SMOC2: variants seen among roughly 807,000 people sequenced by gnomAD.
SMOC2 encodes the protein SPARC related modular calcium binding 2, also known as SPARC-related modular calcium-binding protein 2.
A neutral mutation model predicts 61.4 loss-of-function variants in SMOC2; 39 were observed. That is an observed-to-expected ratio of 0.64 (90% CI 0.49 to 0.83). The LOEUF is 0.83. Ranked by LOEUF, SMOC2 falls within the 40% of genes least tolerant of loss-of-function variation. SMOC2 has a pLI of 0.00. For synonymous variants in SMOC2, 247 were observed against 239.9 expected (o/e 1.03, Z -0.27); for missense variants, 556 against 592.9 (o/e 0.94, Z 0.65).
intron 1 of SMOC2, among the ~76,000 whole-genome samples, chr6:168,465,055 A>G (rs1028390767): frequency 6.6e-6 from 1 of 152,194 alleles, no homozygotes; most frequent in African/African-American, 2.4e-5. Flanking sequence ...CCCCACACAG[A>G]CCTTCTTGGC....
At chr6:168,503,512 T>TC (rs774005799) in intron 1 of SMOC2, among the ~76,000 whole-genome samples, 61 of 152,104 alleles carry the variant, frequency 4.0e-4, no homozygotes, top group Admixed American at 1.3e-3. Flanking sequence ...GCAAATGCCC[T>TC]CCCCGCATGG....
At chr6:168,556,320 C>T (rs1393443362) in intron 7 of SMOC2, among the ~76,000 whole-genome samples, 2 of 152,190 alleles carry the variant, frequency 1.3e-5, no homozygotes, top group East Asian at 3.9e-4. Context: ...TTGTTGCCCA[C>T]ATGGGGTGCG....
intron 1 of SMOC2, among the ~76,000 whole-genome samples, chr6:168,502,636 A>T (rs1782757872): frequency 6.6e-6 from 1 of 152,192 alleles, no homozygotes; most frequent in Non-Finnish European, 1.5e-5. Flanking sequence ...TAACTCACTG[A>T]GTTATTTCAC....
At chr6:168,530,815 A>G (rs714937) in intron 4 of SMOC2, among the ~76,000 whole-genome samples, 103,017 of 151,932 alleles carry the variant, frequency 0.68, 37,067 homozygotes, top group Non-Finnish European at 0.8. Context: ...TTCCGGGAGG[A>G]AACCCAGGAG....
At chr6:168,591,144 T>C (rs535789045) in intron 7 of SMOC2, among the ~76,000 whole-genome samples, 23 of 152,314 alleles carry the variant, frequency 1.5e-4, no homozygotes, top group African/African-American at 5.5e-4. Flanking sequence ...TAAATTGGAA[T>C]GGGAATCACA....
intron 9 of SMOC2, among the ~76,000 whole-genome samples, chr6:168,621,969 CT>C (rs34107549): frequency 0.15 from 22,866 of 148,284 alleles, 2,096 homozygotes; most frequent in Middle Eastern, 0.3. Context: ...GATTAATCTT[CT>C]TTTTTTTTTT....
intron 8 of SMOC2, among the ~76,000 whole-genome samples, chr6:168,600,445 A>ACC (rs1562374034): frequency 2.1e-5 from 3 of 144,620 alleles, no homozygotes; most frequent in African/African-American, 7.7e-5. Flanking sequence ...AAAAAAAAAA[A>ACC]CAGTAGTTTC....
At chr6:168,560,412 A>G (rs139998551) in intron 7 of SMOC2, among the ~76,000 whole-genome samples, 1,586 of 152,388 alleles carry the variant, frequency 0.01, 30 homozygotes, top group African/African-American at 0.036. Context: ...GGTTACTGAC[A>G]AACAGTCTTC....
chr6:168,482,092 G>A (rs938874254), intron 1 of SMOC2, among the ~76,000 whole-genome samples: 9 of 151,510 alleles, frequency 5.9e-5, no homozygotes, highest in African/African-American at 2.2e-4. Context: ...GAAAATTAGT[G>A]AAACAAAAAA....
rs982524397 is a variant in SMOC2, at chr6:168,621,111, C to T, written c.907+12872C>T. On this transcript the variant is annotated intron_variant, in intron 9 of 12. Transcript: ENST00000356284. ...ACTTGTCAAATTAAGGACAATCTTT[C>T]AGAAACGTCAGAGGTTTCCCTCTGA... Among the ~76,000 whole-genome samples the T allele has an allele frequency of 2.0e-5, 3 of 149,778 alleles. No individual in the cohort carries two copies. The East Asian group carries it at 5.8e-4, about 29-fold the overall frequency.
In SMOC2 at chr6:168,598,944, C is replaced by G; in HGVS notation, c.764C>G (p.Thr255Arg). 6.2e-7 allele frequency: 1 copy of G among 1,613,528 alleles called. No homozygotes were observed. Among genetic ancestry groups the G allele is most frequent in the Non-Finnish European group, 8.5e-7 (1 of 1,179,658 alleles). Reference sequence around the variant, plus strand: ...AAGCCAGTGCAGTGCCACCCCTCCACGGGGTACTGCTGGTGCGTCCTGGTG... The same window carrying G: ...AAGCCAGTGCAGTGCCACCCCTCCAGGGGGTACTGCTGGTGCGTCCTGGTG... ...LYKPVQCHPS[T>R]GYCWCVLVDT... Residue 255 changes from threonine (T) to arginine (R), a missense_variant, in exon 8 of 13, where the codon ACG (threonine) becomes AGG (arginine). Transcript: ENST00000356284.
chr6:168,545,592 A>G (rs1187044976), intron 5 of SMOC2, among the ~76,000 whole-genome samples: 1 of 152,232 alleles, frequency 6.6e-6, no homozygotes, highest in East Asian at 1.9e-4. Context: ...TGGACAGGGC[A>G]GGAAGGAGAG....
At chr6:168,487,874 T>A (rs1782372380) in intron 1 of SMOC2, among the ~76,000 whole-genome samples, 1 of 151,906 alleles carries the variant, frequency 6.6e-6, no homozygotes, top group Admixed American at 6.6e-5. Flanking sequence ...CTTTTAAGTA[T>A]TTTTTTTGGC....
chr6:168,566,439 AGAC>A (rs949361666), intron 7 of SMOC2, among the ~76,000 whole-genome samples: 2 of 151,074 alleles, frequency 1.3e-5, no homozygotes, highest in Non-Finnish European at 2.9e-5. Context: ...AAAAAGCCTC[AGAC>A]GAATTTTCAG....
intron 1 of SMOC2, among the ~76,000 whole-genome samples, chr6:168,455,465 C>T (rs572396237): frequency 6.6e-6 from 1 of 152,280 alleles, no homozygotes; most frequent in African/African-American, 2.4e-5. Flanking sequence ...GTGGGCGGCC[C>T]TCAAGTCCCG....
At chr6:168,663,737 T>C (rs536940254) in intron 11 of SMOC2, among the ~76,000 whole-genome samples, 4 of 152,314 alleles carry the variant, frequency 2.6e-5, no homozygotes, top group South Asian at 4.1e-4. Context: ...AAAAATGTAG[T>C]ATAGCAAGTA....
At chr6:168,545,626 G>A (rs1783979199) in intron 5 of SMOC2, among the ~76,000 whole-genome samples, 1 of 152,198 alleles carries the variant, frequency 6.6e-6, no homozygotes, top group South Asian at 2.1e-4. Context: ...CCAGAATCAG[G>A]GCTGGGAGGA....
At chr6:168,579,111 G>T (rs549914784) in intron 7 of SMOC2, among the ~76,000 whole-genome samples, 1 of 152,346 alleles carries the variant, frequency 6.6e-6, no homozygotes, top group Admixed American at 6.5e-5. Flanking sequence ...AGAACACATG[G>T]CTAGTAAGAA....
intron 12 of SMOC2, chr6:168,665,355 A>G (rs1787636113): frequency 6.5e-6 from 1 of 152,742 alleles, no homozygotes; most frequent in African/African-American, 2.4e-5. Context: ...AAACTACGAT[A>G]TTGGGATGAT....
Sources: allele counts gnomAD v4.1 joint callset (sites outside exome capture counted in the v4.1 genomes callset), GRCh38; gene constraint gnomAD v4.1.1; transcripts MANE v1.5; gene names NCBI Gene and HGNC (gene_info 2026-07-23, HGNC 2026-07-21).